Variants in SLC17A6 observed in about 807,000 individuals in gnomAD.
SLC17A6 encodes solute carrier family 17 member 6, also known as vesicular glutamate transporter 2.
A neutral mutation model predicts 67.1 loss-of-function variants in SLC17A6; 35 were observed. That is an observed-to-expected ratio of 0.52 (90% CI 0.40 to 0.69). The LOEUF is 0.69. SLC17A6 is among the 30% of genes least tolerant of loss of function. The probability of loss-of-function intolerance (pLI) is 0.00; values close to 1 mark genes in which losing one functional copy is unlikely to be tolerated. For synonymous variants in SLC17A6, 285 were observed against 252.3 expected, an observed-to-expected ratio of 1.13 and a Z score of -1.23; for missense variants, 588 against 723.9, an observed-to-expected ratio of 0.81 and a Z score of 2.15.
chr11:22,366,791 G>A (rs190199795), intron 7 of SLC17A6, among the ~76,000 whole-genome samples: 78 of 152,144 alleles, frequency 5.1e-4, no homozygotes, highest in African/African-American at 1.9e-3. Flanking sequence ...GATTGCCTGA[G>A]GTCAGGAGTT....
At chr11:22,372,872 C>G (rs1856190385) in intron 8 of SLC17A6, among the ~76,000 whole-genome samples, 1 of 152,036 alleles carries the variant, frequency 6.6e-6, no homozygotes, top group Non-Finnish European at 1.5e-5. Flanking sequence ...GATAAGTCCC[C>G]AAAAGCCAAG....
intron 8 of SLC17A6, 134 bp from the exon 9 acceptor site, chr11:22,374,621 G>A (rs1341708220): frequency 1.4e-6 from 1 of 696,778 alleles, no homozygotes; most frequent in Non-Finnish European, 2.2e-6. Flanking sequence ...GAATGAGTAA[G>A]TGATCATTTG....
chr11:22,363,198 C>T (rs1200799217), intron 6 of SLC17A6, among the ~76,000 whole-genome samples: 1 of 143,212 alleles, frequency 7.0e-6, no homozygotes, highest in South Asian at 2.2e-4. Flanking sequence ...CTAATTCTGC[C>T]TCTTCAAGAT....
rs1185525749 is a variant in SLC17A6, at chr11:22,378,563, A to G, written c.*823A>G. 1 of 152,440 alleles carries G rather than the reference A, an allele frequency of 6.6e-6. No individual in the cohort carries two copies. The highest frequency in any genetic ancestry group is 1.5e-5 in the Non-Finnish European group (1 of 67,980). 9.4% of individuals were successfully genotyped at this position (152,440 alleles called of 1,614,324 possible). A position where few individuals can be genotyped will look rare whatever the true frequency, so the allele number is the denominator to read the frequency against. On this transcript the variant is annotated 3_prime_UTR_variant, in exon 12 of 12. Coordinates refer to ENST00000263160, the MANE Select transcript of SLC17A6 (RefSeq NM_020346.3). ...TACTGGTTGTAACTTGCATTAGAAA[A>G]AAAAGAGATATATACACCACAAAGA...
chr11:22,342,849 A>G (rs1590377391), intron 2 of SLC17A6: 3 of 427,580 alleles, frequency 7.0e-6, no homozygotes, highest in East Asian at 1.4e-4. Flanking sequence ...GGAAGTCACT[A>G]CACTACTGTG....
Position 22,376,571 on chromosome 11 carries a change from G to T in SLC17A6, c.1312G>T (p.Ala438Ser). 6.2e-7 allele frequency: 1 copy of T among 1,613,820 alleles called. No individual in the cohort carries two copies. Among genetic ancestry groups the T allele is most frequent in the Non-Finnish European group, 8.5e-7 (1 of 1,179,854 alleles). ...SGFNVNHLDI[A>S]PRYASILMGI... ...TTTCAATGTTAACCACTTGGATATCGCTCCAAGATATGCCAGTATCTTAAT... is the reference window on the plus strand; with the variant it reads ...TTTCAATGTTAACCACTTGGATATCTCTCCAAGATATGCCAGTATCTTAAT... The change falls in exon 11 of 12, where the codon GCT becomes TCT. Residue 438 changes from alanine (A) to serine (S), a missense_variant. By Grantham distance (99) the Ala-to-Ser change is moderately conservative. Transcript: ENST00000263160.
intron 1 of SLC17A6, among the ~76,000 whole-genome samples, chr11:22,339,803 A>G (rs1429035894): frequency 6.6e-6 from 1 of 152,178 alleles, no homozygotes; most frequent in Non-Finnish European, 1.5e-5. Context: ...AGGGCCCTGC[A>G]GTCCCACAGC....
chr11:22,343,162 CT>C, intron 2 of SLC17A6, 84 bp from the exon 3 acceptor site: 3 of 1,122,254 alleles, frequency 2.7e-6, no homozygotes, highest in Non-Finnish European at 2.7e-6. Flanking sequence ...GCCTTGGGGG[CT>C]TTTTGGCTTG....
chr11:22,358,610 A>G (rs778412345), intron 3 of SLC17A6, among the ~76,000 whole-genome samples: 4 of 152,190 alleles, frequency 2.6e-5, no homozygotes, highest in Non-Finnish European at 4.4e-5. Flanking sequence ...TGGGGTTTAC[A>G]GGAGTGAGCC....
At chr11:22,362,601 G>A (rs1308711076) in intron 5 of SLC17A6, 138 bp from the exon 6 acceptor site, 2 of 674,074 alleles carry the variant, frequency 3.0e-6, no homozygotes, top group Non-Finnish European at 5.4e-6. Context: ...GTTTGGTGAT[G>A]GAGGGTATGT....
chr11:22,354,176 C>G (rs181668313), intron 3 of SLC17A6, among the ~76,000 whole-genome samples: 1 of 151,970 alleles, frequency 6.6e-6, no homozygotes, highest in East Asian at 1.9e-4. Flanking sequence ...CTCTGCCTCC[C>G]GGGTTCAAGT....
intron 7 of SLC17A6, among the ~76,000 whole-genome samples, chr11:22,366,239 A>G (rs2665707): frequency 0.37 from 55,924 of 151,986 alleles, 10,426 homozygotes; most frequent in East Asian, 0.47. Flanking sequence ...TTATAACAAT[A>G]TACTGTAAGG....
At chr11:22,361,873 A>G (rs1289356503) in intron 5 of SLC17A6, among the ~76,000 whole-genome samples, 1 of 152,204 alleles carries the variant, frequency 6.6e-6, no homozygotes, top group Non-Finnish European at 1.5e-5. Flanking sequence ...GCTGTAAATA[A>G]TGCTAGTAAT....
chr11:22,366,493 T>C (rs1271527111), intron 7 of SLC17A6, among the ~76,000 whole-genome samples: 1 of 152,150 alleles, frequency 6.6e-6, no homozygotes, highest in Non-Finnish European at 1.5e-5. Flanking sequence ...TGATAAAATA[T>C]CATTATCTTT....
At chr11:22,359,915 C>T (rs909448610) in intron 4 of SLC17A6, among the ~76,000 whole-genome samples, 1 of 151,998 alleles carries the variant, frequency 6.6e-6, no homozygotes, top group African/African-American at 2.4e-5. Context: ...CCTTGAATCA[C>T]GATATGAGTT....
chr11:22,377,671 GAA>G lies in SLC17A6; in HGVS notation c.1682_1683del (p.Lys561ArgfsTer13). 1 of 1,613,084 alleles carries G rather than the reference GAA, an allele frequency of 6.2e-7. No homozygotes were observed. Among genetic ancestry groups the G allele is most frequent in the Non-Finnish European group, 8.5e-7 (1 of 1,179,762 alleles). On this transcript the variant is annotated frameshift_variant, in exon 12 of 12. Coordinates refer to ENST00000263160, the MANE Select transcript of SLC17A6 (RefSeq NM_020346.3). LOFTEE classifies it high-confidence loss of function. ...NGGWPSGWEKKEEFVQGEVQD... is the reference protein window; with the variant it reads ...NGGWPSGWEKXEEFVQGEVQD... ...GAGGTTGGCCTAGTGGTTGGGAAAA[GAA>G]AGAGGAATTTGTACAAGGAGAAGTA... is the stretch of plus-strand genomic sequence containing the variant.
chr11:22,360,939 G>T lies in SLC17A6; in HGVS notation c.616G>T (p.Ala206Ser), dbSNP rs144649755. ...PACHGIWSKW[A>S]PPLERSRLAT... is the part of the protein sequence containing the mutation. ...ATGTCATGGGATATGGAGCAAATGG[G>T]CCCCACCTCTAGAGAGGAGTAGACT... Residue 206 changes from alanine (A) to serine (S), a missense_variant, in exon 5 of 12, where the codon GCC becomes TCC. By Grantham distance (99) the Ala-to-Ser change is moderately conservative. This residue lies in a region of SLC17A6 where 414 missense variants were observed against 563.4 expected (regional missense o/e 0.73). Transcript: ENST00000263160. 1.9e-6 allele frequency: 3 copies of T among 1,613,866 alleles called. No homozygotes were observed. The African/African-American group carries it at 4.0e-5, about 22-fold the overall frequency.
At chr11:22,346,096 CT>C (rs1388530925) in intron 3 of SLC17A6, among the ~76,000 whole-genome samples, 1 of 152,166 alleles carries the variant, frequency 6.6e-6, no homozygotes, top group African/African-American at 2.4e-5. Context: ...ATATTGATCA[CT>C]TAAGAATAGA....
At chr11:22,377,370 G>A (rs754040149) in intron 11 of SLC17A6, 35 bp from the exon 12 acceptor site, 1 of 1,544,404 alleles carries the variant, frequency 6.5e-7, no homozygotes, top group Non-Finnish European at 8.8e-7. Flanking sequence ...ATCATGGGGA[G>A]TCAGTTCTCA....
Sources: allele counts gnomAD v4.1 joint callset (sites outside exome capture counted in the v4.1 genomes callset), GRCh38; gene constraint gnomAD v4.1.1; regional missense constraint gnomAD v4.1.1; transcripts MANE v1.5; gene names NCBI Gene and HGNC (gene_info 2026-07-23, HGNC 2026-07-21).